Variants in PCDHA10 observed in about 807,000 individuals in gnomAD.
The protein encoded by PCDHA10 is protocadherin alpha-10.
A neutral mutation model predicts 61.2 loss-of-function variants in PCDHA10; 45 were observed. The observed-to-expected ratio is 0.74, with a 90% confidence interval of 0.58 to 0.94. The LOEUF (loss-of-function observed/expected upper bound fraction) is 0.94. Ranked by LOEUF, PCDHA10 falls within the 40% of genes least tolerant of loss-of-function variation. PCDHA10 has a pLI of 0.00. For missense variants in PCDHA10, 1,278 were observed against 1,236.2 expected, an observed-to-expected ratio of 1.03 and a Z score of -0.51; for synonymous variants, 602 against 548.8, an observed-to-expected ratio of 1.10 and a Z score of -1.35.
At chr5:140,924,064 G>T (rs1584331926) in intron 1 of PCDHA10, among the ~76,000 whole-genome samples, 1 of 152,172 alleles carries the variant, frequency 6.6e-6, no homozygotes. Context: ...CTTTACAGTT[G>T]TATTTCATCT....
At chr5:140,936,925 T>C (rs1554211273) in intron 1 of PCDHA10, among the ~76,000 whole-genome samples, 2 of 152,208 alleles carry the variant, frequency 1.3e-5, no homozygotes, top group African/African-American at 2.4e-5. Context: ...AAATATGGGG[T>C]ATATTGAAAA....
At chr5:140,876,543 C>T (rs1357446844) in intron 1 of PCDHA10, 10 of 1,614,022 alleles carry the variant, frequency 6.2e-6, no homozygotes, top group African/African-American at 2.7e-5. Context: ...CACTGTCGCT[C>T]CCTGTGCAAG....
chr5:140,871,291 G>C, intron 1 of PCDHA10: 1 of 1,613,906 alleles, frequency 6.2e-7, no homozygotes, highest in Non-Finnish European at 8.5e-7. Flanking sequence ...CACTGAGGGC[G>C]CGTGCGCGCC....
chr5:140,966,986 C>G (rs1364396774), intron 1 of PCDHA10: 1 of 1,603,766 alleles, frequency 6.2e-7, no homozygotes, highest in African/African-American at 1.3e-5. Flanking sequence ...GCGCTTGGGG[C>G]CGGGTTGCTT....
chr5:140,868,806 G>A (rs374832846), intron 1 of PCDHA10: 20 of 357,070 alleles, frequency 5.6e-5, no homozygotes, highest in African/African-American at 2.7e-4. Context: ...AAATAAGCAC[G>A]TTGGAAATAT....
At chr5:140,868,446 A>G (rs1224722166) in intron 1 of PCDHA10, 1 of 152,368 alleles carries the variant, frequency 6.6e-6, no homozygotes, top group Non-Finnish European at 1.5e-5. Flanking sequence ...TGTGGAACAT[A>G]AACACTAAAG....
chr5:140,883,672 T>C (rs782302494), intron 1 of PCDHA10: 2 of 1,613,366 alleles, frequency 1.2e-6, no homozygotes, highest in Non-Finnish European at 1.7e-6. Context: ...AGGAAAACAA[T>C]CCGCCGGGCT....
chr5:140,989,597 G>A (rs1168398697), intron 3 of PCDHA10, among the ~76,000 whole-genome samples: 1 of 152,144 alleles, frequency 6.6e-6, no homozygotes, highest in Non-Finnish European at 1.5e-5. Flanking sequence ...ACTGACACAA[G>A]TAAACTAAAA....
intron 1 of PCDHA10, among the ~76,000 whole-genome samples, chr5:140,899,732 T>C (rs1174883648): frequency 6.6e-6 from 1 of 152,222 alleles, no homozygotes; most frequent in Non-Finnish European, 1.5e-5. Context: ...TTTCTATTGA[T>C]TGGAATAGTT....
At chr5:140,928,625 A>C in intron 1 of PCDHA10, 1 of 1,614,224 alleles carries the variant, frequency 6.2e-7, no homozygotes, top group Non-Finnish European at 8.5e-7. Flanking sequence ...AGGACTGGAC[A>C]CTTGGTCACA....
At chr5:141,006,108 T>C (rs1268824828) in intron 3 of PCDHA10, among the ~76,000 whole-genome samples, 5 of 151,864 alleles carry the variant, frequency 3.3e-5, no homozygotes. Context: ...GTAAGGAGTT[T>C]TTTTTTTTTT....
intron 1 of PCDHA10, chr5:140,927,285 G>T: frequency 1.9e-6 from 3 of 1,614,154 alleles, no homozygotes; most frequent in Non-Finnish European, 2.5e-6. Context: ...ACGTGCAGCT[G>T]CACATCCCCG....
intron 1 of PCDHA10, among the ~76,000 whole-genome samples, chr5:140,880,837 A>G (rs2058501881): frequency 1.3e-5 from 2 of 152,230 alleles, no homozygotes; most frequent in African/African-American, 4.8e-5. Flanking sequence ...CATATTTTAA[A>G]TGGTTGACTA....
At chr5:140,904,949 T>A (rs2071498656) in intron 1 of PCDHA10, among the ~76,000 whole-genome samples, 1 of 152,228 alleles carries the variant, frequency 6.6e-6, no homozygotes, top group South Asian at 2.1e-4. Flanking sequence ...TAGTCCTTTG[T>A]CTGATGCAGA....
intron 1 of PCDHA10, chr5:140,930,231 A>C (rs1234850185): frequency 6.6e-6 from 1 of 152,238 alleles, no homozygotes; most frequent in South Asian, 2.1e-4. Context: ...TGCACTTACC[A>C]TCCAAAGTCC....
intron 1 of PCDHA10, among the ~76,000 whole-genome samples, chr5:140,872,710 A>G (rs563009592): frequency 6.5e-4 from 99 of 152,384 alleles, no homozygotes; most frequent in African/African-American, 1.9e-3. Flanking sequence ...AAAGGAAACT[A>G]GGTAAATAAA....
chr5:140,926,745 C>T (rs1344644551), intron 1 of PCDHA10: 3 of 1,219,360 alleles, frequency 2.5e-6, no homozygotes, highest in Non-Finnish European at 3.2e-6. Flanking sequence ...GGCGCAACGT[C>T]GGCGGTCGCT....
intron 1 of PCDHA10, among the ~76,000 whole-genome samples, chr5:140,935,456 C>G (rs981681011): frequency 6.6e-6 from 1 of 152,150 alleles, no homozygotes; most frequent in Non-Finnish European, 1.5e-5. Flanking sequence ...GATACTGTAG[C>G]AGTTTAAGTT....
chr5:140,914,639 G>C (rs1348153716), intron 1 of PCDHA10, among the ~76,000 whole-genome samples: 5 of 151,890 alleles, frequency 3.3e-5, no homozygotes, highest in Admixed American at 3.3e-4. Context: ...TGGTTTCATG[G>C]TCATCTCTCC....
Sources: allele counts gnomAD v4.1 joint callset (sites outside exome capture counted in the v4.1 genomes callset), GRCh38; gene constraint gnomAD v4.1.1; transcripts MANE v1.5; gene names NCBI Gene and HGNC (gene_info 2026-07-23, HGNC 2026-07-21).